TTN: variants seen among roughly 807,000 people sequenced by gnomAD.
TTN encodes the protein titin.
Under a neutral mutation model 3,223.0 loss-of-function variants are expected in TTN, and 1,525 were observed. The ratio of observed to expected loss-of-function variants is 0.47; its 90% CI spans 0.45 to 0.49. TTN has a LOEUF of 0.49. Ranked by LOEUF, TTN falls within the 20% of genes least tolerant of loss-of-function variation. The probability of loss-of-function intolerance (pLI) is 0.00; values close to 1 mark genes in which losing one functional copy is unlikely to be tolerated. For missense variants in TTN, 40,786 were observed against 43,424.0 expected (o/e 0.94, Z 5.40); for synonymous variants, 14,094 against 15,161.0 (o/e 0.93, Z 5.17).
chr2:178,792,235 A>G, intron 9 of TTN, 38 bp from the exon 10 acceptor site: 4 of 1,577,408 alleles, frequency 2.5e-6, no homozygotes, highest in Non-Finnish European at 3.4e-6. Flanking sequence ...TTATTTCCTG[A>G]TGCCCAATGA....
intron 6 of TTN, among the ~76,000 whole-genome samples, chr2:178,798,299 A>AT (rs1333234264): frequency 1.3e-5 from 2 of 151,988 alleles, no homozygotes; most frequent in African/African-American, 4.8e-5. Flanking sequence ...AATTTTGTAC[A>AT]TTTTTCATTT....
chr2:178,574,457 GTA>G lies in TTN; in HGVS notation c.71673_71674del (p.Thr23892ArgfsTer6). 1 of 1,613,616 alleles carries G rather than the reference GTA, an allele frequency of 6.2e-7. No homozygotes were observed. The highest frequency in any genetic ancestry group is 1.1e-5 in the South Asian group (1 of 91,066). ...CCGGAACTCATAAGCAATACCATCT[GTA>G]AGTCCACTTGATTTGAAAATGTTGC... is the stretch of plus-strand genomic sequence containing the variant. On this transcript the variant is annotated frameshift_variant, in exon 326 of 363. Transcript: ENST00000589042. LOFTEE classifies it high-confidence loss of function.
chr2:178,781,931 G>GTGTGT (rs1561353037), intron 20 of TTN, among the ~76,000 whole-genome samples: 4 of 123,282 alleles, frequency 3.2e-5, no homozygotes, highest in Non-Finnish European at 6.9e-5. Context: ...TGTGTGTGTG[G>GTGTGT]GTGTGTTTGT....
chr2:178,620,657 A>G, intron 247 of TTN, 32 bp from the exon 248 acceptor site: 1 of 1,600,858 alleles, frequency 6.2e-7, no homozygotes, highest in Non-Finnish European at 8.5e-7. Context: ...TGTTGATTTT[A>G]ATTATTTTTA....
intron 129 of TTN, 63 bp from the exon 130 acceptor site, chr2:178,685,052 G>T: frequency 7.3e-7 from 1 of 1,364,710 alleles, no homozygotes; most frequent in Non-Finnish European, 1.0e-6. Flanking sequence ...ACAGTTGTGG[G>T]GCTTAGCATT....
Position 178,589,501 on chromosome 2 carries a change from T to C in TTN, c.62224A>G (p.Arg20742Gly). The C allele has an allele frequency of 1.9e-6, 3 of 1,613,434 alleles. No individual in the cohort carries two copies. ...CCACCTTCATTCTTTGTTTGCACTC[T>C]GAACTCATAAATCTGGTTTTCAACA... The part of the protein sequence containing the change: ...RCVENQIYEF[R>G]VQTKNEGGES... The change falls in exon 304 of 363, where the codon AGA becomes GGA. Residue 20742 changes from arginine (R) to glycine (G), a missense_variant. Arg to Gly is a moderately radical substitution (Grantham distance 125, BLOSUM62 -2). Coordinates refer to ENST00000589042, the MANE Select transcript of TTN (RefSeq NM_001267550.2).
rs2050559188 is a variant in TTN, at chr2:178,592,991, TC to T, written c.59127del (p.Ser19710AlafsTer49). 6.2e-7 allele frequency: 1 copy of T among 1,613,498 alleles called. No homozygotes were observed. ...TCAACAATATAACCCAGAATCTTGC[TC>T]CCACCATCATGACGTGGTGGCTGCC... The part of the protein sequence containing the change: ...LTWQPPRHDG[G>X]SKILGYIVEY... On this transcript the variant is annotated frameshift_variant, in exon 300 of 363. Coordinates refer to ENST00000589042, the MANE Select transcript of TTN (RefSeq NM_001267550.2). LOFTEE classifies it high-confidence loss of function.
At chr2:178,553,479 T>C (rs898201432) in intron 334 of TTN, 23 bp downstream of exon 334, 1 of 1,583,460 alleles carries the variant, frequency 6.3e-7, no homozygotes, top group Non-Finnish European at 8.6e-7. Context: ...TTAAAAAACA[T>C]AATCAAACCA....
In TTN at chr2:178,549,159, C is replaced by T. The variant is rs727504934; in HGVS notation, c.92467G>A (p.Gly30823Ser). The change falls in exon 339 of 363, where the codon GGT (glycine) becomes AGT (serine). Residue 30823 changes from glycine to serine, a missense_variant. Coordinates refer to ENST00000589042, the MANE Select transcript of TTN (RefSeq NM_001267550.2). ...GTTACTTTGACCACTGTGGGAGGACCTGGTGGGTTGACGGGCTCTCTACAT... is the reference window on the plus strand; with the variant it reads ...GTTACTTTGACCACTGTGGGAGGACTTGGTGGGTTGACGGGCTCTCTACAT... The part of the protein sequence containing the change: ...IKCREPVNPP[G>S]PPTVVKVTDT... The T allele has an allele frequency of 3.0e-5, 49 of 1,613,644 alleles. 1 individual carries two copies. The South Asian group carries it at 5.2e-4, about 17-fold the overall frequency.
chr2:178,782,128 C>T (rs1025676503), intron 20 of TTN, 84 bp downstream of exon 20: 27 of 1,489,682 alleles, frequency 1.8e-5, no homozygotes, highest in Admixed American at 8.6e-5. Context: ...TGCTCAGGGT[C>T]GGTGGGGTGA....
rs1560019104 is a variant in TTN, at chr2:178,640,243, T to TTTGA, written c.40724-137_40724-134dup. 5.0e-6 allele frequency: 4 copies of TTTGA among 806,896 alleles called. No individual in the cohort carries two copies. The African/African-American group carries it at 5.5e-5, about 11-fold the overall frequency. 50.0% of individuals were successfully genotyped at this position (806,896 alleles called of 1,614,324 possible). A position where few individuals can be genotyped will look rare whatever the true frequency, so the allele number is the denominator to read the frequency against. On this transcript the variant is annotated intron_variant, in intron 221 of 362. Transcript: ENST00000589042. ...ATACATATAATTATCAAATCAAGTA[T>TTTGA]TTGATTAGTTTTCATTTTAAACAAA...
chr2:178,699,872 T>C lies in TTN; in HGVS notation c.30683-958A>G, dbSNP rs542079775. 1.9e-3 allele frequency among the ~76,000 whole-genome samples: 276 copies of C among 147,816 alleles called. 5 individuals carry two copies. In the South Asian group the frequency reaches 0.025, roughly 13 times the overall value. On this transcript the variant is annotated intron_variant, in intron 111 of 362. Transcript: ENST00000589042. ...CTCTCTGAGTAGCTGGGACTACAGGTGCCCACCACCACGCCCGGCTAATTT... is the reference window on the plus strand; with the variant it reads ...CTCTCTGAGTAGCTGGGACTACAGGCGCCCACCACCACGCCCGGCTAATTT...
chr2:178,571,930 T>A lies in TTN; in HGVS notation c.74202A>T (p.Lys24734Asn). 6.2e-7 allele frequency: 1 copy of A among 1,613,236 alleles called. No homozygotes were observed. Among genetic ancestry groups the A allele is most frequent in the African/African-American group, 1.3e-5 (1 of 75,024 alleles). ...GGCGGCCAATGAATGGAACATCAACTTTTAGGTCTTCACCTGCCAGTACAG... is the reference window on the plus strand; with the variant it reads ...GGCGGCCAATGAATGGAACATCAACATTTAGGTCTTCACCTGCCAGTACAG... ...TFTVLAGEDL[K>N]VDVPFIGRPT... Residue 24734 changes from lysine (K) to asparagine (N), a missense_variant, in exon 326 of 363, where the codon AAA becomes AAT. Transcript: ENST00000589042.
rs1295141903 is a variant in TTN at position 178,663,800 on chromosome 2, T to C, written c.36448+19A>G. ...GAGCAAAAGAATGAGATCTGAAGCC[T>C]AAGGTCAGTGGCAACTACCTTTAAC... On this transcript the variant is annotated intron_variant, in intron 170 of 362. Coordinates refer to ENST00000589042, the MANE Select transcript of TTN (RefSeq NM_001267550.2). 6.2e-7 allele frequency: 1 copy of C among 1,613,242 alleles called. No homozygotes were observed. The highest frequency in any genetic ancestry group is 8.5e-7 in the Non-Finnish European group (1 of 1,179,742).
intron 111 of TTN, 108 bp downstream of exon 111, chr2:178,701,012 A>G (rs1056753785): frequency 5.5e-5 from 49 of 896,062 alleles, no homozygotes; most frequent in Non-Finnish European, 7.7e-5. Flanking sequence ...TTGAAAGGCA[A>G]TTCCACCTCT....
chr2:178,649,646 G>A lies in TTN; in HGVS notation c.39896-15C>T, dbSNP rs1290281432. On this transcript the variant is annotated splice_polypyrimidine_tract_variant and intron_variant, in intron 211 of 362. Coordinates refer to ENST00000589042, the MANE Select transcript of TTN (RefSeq NM_001267550.2). ...CATCTCAGGTTCTTTAAAGATATCA[G>A]TAGCATTTAATAATACAAAGTTGTG... is the stretch of plus-strand genomic sequence containing the variant. 6.4e-7 allele frequency: 1 copy of A among 1,550,690 alleles called. No homozygotes were observed. Among genetic ancestry groups the A allele is most frequent in the South Asian group, 1.2e-5 (1 of 84,204 alleles).
intron 311 of TTN, 98 bp from the exon 312 acceptor site, chr2:178,584,004 A>C: frequency 7.7e-7 from 1 of 1,294,994 alleles, no homozygotes; most frequent in Non-Finnish European, 1.0e-6. Flanking sequence ...TAACAAGCTC[A>C]ACAGGAAGAC....
intron 2 of TTN, among the ~76,000 whole-genome samples, chr2:178,803,717 T>C (rs1265009422): frequency 6.6e-6 from 1 of 152,048 alleles, no homozygotes; most frequent in African/African-American, 2.4e-5. Flanking sequence ...TTTTTTTTAA[T>C]CCGTATCCAT....
At position 178,677,290 on chromosome 2, in the gene TTN, TAA is replaced by T; in HGVS notation, c.34292-5_34292-4del. 1 of 1,186,092 alleles carries T rather than the reference TAA, an allele frequency of 8.4e-7. No homozygotes were observed. Among genetic ancestry groups the T allele is most frequent in the Non-Finnish European group, 1.0e-6 (1 of 967,688 alleles). The allele number at this position is 1,186,092 out of a possible 1,614,324, so 73.5% of individuals were successfully genotyped here. Reference sequence around the variant, plus strand: ...AGGTTTCTTTGGCACTTCAGGCACTTAAAAACATTTCATTTGAAGGCATTAAA... The same window carrying T: ...AGGTTTCTTTGGCACTTCAGGCACTTAAACATTTCATTTGAAGGCATTAAA... On this transcript the variant is annotated splice_polypyrimidine_tract_variant and splice_region_variant and intron_variant, in intron 146 of 362. Coordinates refer to ENST00000589042, the MANE Select transcript of TTN (RefSeq NM_001267550.2).
Sources: gnomAD v4.1 joint callset for allele counts (sites outside exome capture counted in the v4.1 genomes callset) on GRCh38, gnomAD v4.1.1 for gene constraint, MANE v1.5 for transcripts, NCBI Gene and HGNC (gene_info 2026-07-23, HGNC 2026-07-21) for gene names.